The following PCDHGA7 variants were observed in gnomAD, a reference collection of about 807,000 sequenced individuals.
PCDHGA7 encodes the protein protocadherin gamma subfamily A, 7, also known as protocadherin gamma-A7.
Under a neutral mutation model 58.3 loss-of-function variants are expected in PCDHGA7, and 44 were observed. That is an observed-to-expected ratio of 0.75 (90% CI 0.59 to 0.97). The LOEUF (loss-of-function observed/expected upper bound fraction) is 0.97. PCDHGA7 is among the 50% of genes least tolerant of loss of function. The pLI is 0.00. For synonymous variants in PCDHGA7, 516 were observed against 504.2 expected (o/e 1.02, Z -0.31); for missense variants, 1,266 against 1,188.7 (o/e 1.06, Z -0.96).
At chr5:141,410,576 C>A (rs533810160) in intron 1 of PCDHGA7, 1 of 1,611,270 alleles carries the variant, frequency 6.2e-7, no homozygotes, top group African/African-American at 1.3e-5. Flanking sequence ...AATTCCACCT[C>A]ATGGTGGGGA....
chr5:141,421,397 C>T, intron 1 of PCDHGA7: 1 of 1,614,030 alleles, frequency 6.2e-7, no homozygotes, highest in Non-Finnish European at 8.5e-7. Context: ...GGGCTGGAGC[C>T]CCGGGAGCTG....
Position 141,419,699 on chromosome 5 carries a change from C to G in PCDHGA7, c.2424+34376C>G, listed in dbSNP as rs1488905080. ...CTACCACGTGGTGCAGGCCAGTGAG[C>G]CCGGGCTCTTCAGCCTGGGGCTGCG... On this transcript the variant is annotated intron_variant, in intron 1 of 3. Coordinates refer to ENST00000518325, the MANE Select transcript of PCDHGA7 (RefSeq NM_018920.4). The G allele has an allele frequency of 5.6e-6, 9 of 1,612,806 alleles. No homozygotes were observed. The East Asian group carries it at 1.8e-4, about 32-fold the overall frequency.
At chr5:141,500,222 T>TGA (rs1355843194) in intron 2 of PCDHGA7, among the ~76,000 whole-genome samples, 1 of 146,758 alleles carries the variant, frequency 6.8e-6, no homozygotes, top group Non-Finnish European at 1.5e-5. Flanking sequence ...ATTTATTTAT[T>TGA]TATTGATACG....
chr5:141,508,183 A>G (rs1596134418), intron 3 of PCDHGA7: 1 of 152,336 alleles, frequency 6.6e-6, no homozygotes, highest in African/African-American at 2.4e-5. Context: ...GAGAGAAGGC[A>G]TCACCCCCAC....
At chr5:141,399,048 G>T (rs779434482) in intron 1 of PCDHGA7, 1 of 1,613,830 alleles carries the variant, frequency 6.2e-7, no homozygotes, top group East Asian at 2.2e-5. Context: ...ATTTTGAAGA[G>T]ACCAAGGAAT....
chr5:141,398,938 G>T (rs201463346), intron 1 of PCDHGA7: 467 of 1,613,840 alleles, frequency 2.9e-4, no homozygotes, highest in Non-Finnish European at 3.7e-4. Context: ...TGACCAAGAC[G>T]AGGGCATCAA....
At chr5:141,409,988 G>GC (rs1561724887) in intron 1 of PCDHGA7, 1 of 1,613,278 alleles carries the variant, frequency 6.2e-7, no homozygotes, top group Non-Finnish European at 8.5e-7. Flanking sequence ...AGCGGTGGAC[G>GC]CCGACTCGGG....
At chr5:141,395,174 AAATGATT>A in intron 1 of PCDHGA7, 1 of 1,614,220 alleles carries the variant, frequency 6.2e-7, no homozygotes, top group Non-Finnish European at 8.5e-7. Flanking sequence ...GCTGTGAGAA[AAATGATT>A]CTTTGTTAAC....
chr5:141,414,457 G>A (rs1319960665), intron 1 of PCDHGA7: 7 of 1,613,872 alleles, frequency 4.3e-6, no homozygotes, highest in Non-Finnish European at 5.9e-6. Flanking sequence ...CACAGTGACA[G>A]CCACAGATGG....
chr5:141,409,159 G>C, intron 1 of PCDHGA7: 1 of 1,614,014 alleles, frequency 6.2e-7, no homozygotes, highest in East Asian at 2.2e-5. Flanking sequence ...CCATGGAAGT[G>C]GAAGCGAAGG....
rs1191643556 is a variant in PCDHGA7 at position 141,486,302 on chromosome 5, C to A, written c.2425-8505C>A. On this transcript the variant is annotated intron_variant, in intron 1 of 3. Transcript: ENST00000518325. The surrounding 1 kb of genome is among the most constrained non-coding windows in gnomAD (Gnocchi z 5.0). ...GGTGGCACTTATCAGTGTGCAGGAT[C>A]CAGACTCAGGGTCAAACGGAGATGT... The A allele has an allele frequency of 6.2e-7, 1 of 1,614,036 alleles. No individual in the cohort carries two copies. The highest frequency in any genetic ancestry group is 8.5e-7 in the Non-Finnish European group (1 of 1,179,994).
chr5:141,403,753 C>T lies in PCDHGA7; in HGVS notation c.2424+18430C>T, dbSNP rs767515334. 1.5e-5 allele frequency: 25 copies of T among 1,613,504 alleles called. No homozygotes were observed. In the South Asian group the frequency reaches 2.6e-4, roughly 17 times the overall value. On this transcript the variant is annotated intron_variant, in intron 1 of 3. Transcript: ENST00000518325. ...CCTGGCTGCTTACTGCAACAGCCAG[C>T]GACCTGGATGAGGGAATCAACGGAA...
At chr5:141,475,803 G>T in intron 1 of PCDHGA7, 1 of 319,920 alleles carries the variant, frequency 3.1e-6, no homozygotes, top group Non-Finnish European at 5.7e-6. Flanking sequence ...GAAGCCAAAG[G>T]AAAGTGAAGT....
At chr5:141,451,124 A>T (rs2098707796) in intron 1 of PCDHGA7, among the ~76,000 whole-genome samples, 1 of 152,102 alleles carries the variant, frequency 6.6e-6, no homozygotes, top group Non-Finnish European at 1.5e-5. Context: ...CACCACACCC[A>T]GCCTTATGAT....
Position 141,431,386 on chromosome 5 carries a change from C to A in PCDHGA7, c.2424+46063C>A. The stretch of plus-strand genomic sequence containing the variant: ...ACCGCGAAGAAAAGGCTGCTCACCA[C>A]CTGGTCCTTACGGCCTCCGACGGGG... On this transcript the variant is annotated intron_variant, in intron 1 of 3. Coordinates refer to ENST00000518325, the MANE Select transcript of PCDHGA7 (RefSeq NM_018920.4). The surrounding 1 kb of genome is among the most constrained non-coding windows in gnomAD (Gnocchi z 4.8). The A allele has an allele frequency of 6.2e-7, 1 of 1,613,924 alleles. No individual in the cohort carries two copies. Among genetic ancestry groups the A allele is most frequent in the Non-Finnish European group, 8.5e-7 (1 of 1,180,038 alleles).
At chr5:141,413,986 A>G (rs1464771336) in intron 1 of PCDHGA7, 1 of 1,613,554 alleles carries the variant, frequency 6.2e-7, no homozygotes, top group Admixed American at 1.7e-5. Flanking sequence ...AGTCACAGCC[A>G]CCGACAGGGA....
rs894174603 is a variant in PCDHGA7 at position 141,382,920 on chromosome 5, C to T, written c.21C>T (p.Gly7=). MAAQPR[G]GDYRGFFLLS... ...CGACTATGGCGGCTCAGCCGAGGGG[C>T]GGGGACTACAGAGGATTCTTCCTGC... The change falls in exon 1 of 4, where the codon GGC becomes GGT. Residue 7 remains glycine (G), a synonymous_variant. Coordinates refer to ENST00000518325, the MANE Select transcript of PCDHGA7 (RefSeq NM_018920.4). 2.6e-6 allele frequency: 4 copies of T among 1,558,806 alleles called. No homozygotes were observed. Among genetic ancestry groups the T allele is most frequent in the Admixed American group, 1.9e-5 (1 of 51,454 alleles).
chr5:141,493,935 C>T lies in PCDHGA7; in HGVS notation c.2425-872C>T, dbSNP rs1317863228. Among the ~76,000 whole-genome samples the T allele has an allele frequency of 6.6e-6, 1 of 152,158 alleles. No homozygotes were observed. Among genetic ancestry groups the T allele is most frequent in the Non-Finnish European group, 1.5e-5 (1 of 68,020 alleles). On this transcript the variant is annotated intron_variant, in intron 1 of 3. Coordinates refer to ENST00000518325, the MANE Select transcript of PCDHGA7 (RefSeq NM_018920.4). This position sits in a 1 kb window ranked among gnomAD's most constrained non-coding sequence, Gnocchi z 4.3. Reference sequence around the variant, plus strand: ...TGGGATAACACACCCCCTGGAAAGACCAGAAGGGACTCAGGAATGAAGTGG... The same window carrying T: ...TGGGATAACACACCCCCTGGAAAGATCAGAAGGGACTCAGGAATGAAGTGG...
intron 1 of PCDHGA7, among the ~76,000 whole-genome samples, chr5:141,425,305 AC>A (rs1239206853): frequency 1.3e-5 from 2 of 152,202 alleles, no homozygotes; most frequent in Non-Finnish European, 2.9e-5. Flanking sequence ...ATCTAAACTA[AC>A]TTCCCAAGAT....
Sources: allele counts gnomAD v4.1 joint callset (sites outside exome capture counted in the v4.1 genomes callset), GRCh38; gene constraint gnomAD v4.1.1; non-coding constraint Gnocchi (gnomAD v3.1); transcripts MANE v1.5; gene names NCBI Gene and HGNC (gene_info 2026-07-23, HGNC 2026-07-21).